Variants in FRMPD3 observed in about 807,000 individuals in gnomAD.
The protein encoded by FRMPD3 is FERM and PDZ domain-containing protein 3.
FRMPD3 carries 42 observed loss-of-function variants against 97.9 expected under a neutral mutation model. That is an observed-to-expected ratio of 0.43 (90% CI 0.34 to 0.55). The LOEUF is 0.55. FRMPD3 is among the 20% of genes least tolerant of loss of function. The pLI is 0.03. For missense variants in FRMPD3, 1,303 were observed against 1,457.7 expected (o/e 0.89, Z 1.73); for synonymous variants, 577 against 581.1 (o/e 0.99, Z 0.10).
chrX:107,588,531 G>C (rs993414776), intron 13 of FRMPD3, among the ~76,000 whole-genome samples: 1 of 112,223 alleles, frequency 8.9e-6, no homozygotes, highest in Non-Finnish European at 1.9e-5. Flanking sequence ...TGGGATTACA[G>C]GCGTGAGCCA....
At chrX:107,545,398 C>A (rs1921539965) in intron 4 of FRMPD3, 1 of 133,704 alleles carries the variant, frequency 7.5e-6, no homozygotes, top group Non-Finnish European at 1.5e-5. Flanking sequence ...TAAAAAGACA[C>A]CCTTTAGGTC....
At chrX:107,455,739 A>G (rs1176622025) in intron 1 of FRMPD3, among the ~76,000 whole-genome samples, 1 of 111,782 alleles carries the variant, frequency 8.9e-6, no homozygotes, top group Non-Finnish European at 1.9e-5. Flanking sequence ...CTCCCCCTGC[A>G]CATTAGTTCA....
intron 1 of FRMPD3, 49 bp from the exon 2 acceptor site, chrX:107,526,533 C>T (rs758750133): frequency 3.0e-5 from 34 of 1,128,231 alleles, no homozygotes; most frequent in Non-Finnish European, 3.9e-5. Context: ...GGTTCTGAGG[C>T]TTAGTTCCCT....
In FRMPD3 at chrX:107,602,875, C is replaced by G. The variant is rs752926442; in HGVS notation, c.4836C>G (p.Pro1612=). The G allele has an allele frequency of 1.7e-6, 2 of 1,210,733 alleles. No individual in the cohort carries two copies. The highest frequency in any genetic ancestry group is 1.1e-6 in the Non-Finnish European group (1 of 895,232). ...LTVLRQCVAS[P]EARAPKPYVS... is the part of the protein sequence containing the mutation. The stretch of plus-strand genomic sequence containing the variant: ...TCCTGCGGCAGTGTGTGGCCAGCCC[C>G]GAGGCCCGTGCCCCCAAGCCCTATG... Residue 1612 remains proline (P), a synonymous_variant, in exon 15 of 15, where the codon CCC becomes CCG. Transcript: ENST00000683843.
At chrX:107,458,161 C>CCTT (rs1931410255) in intron 1 of FRMPD3, among the ~76,000 whole-genome samples, 1 of 111,691 alleles carries the variant, frequency 9.0e-6, no homozygotes, top group African/African-American at 3.3e-5. Context: ...TCTCATCCTT[C>CCTT]CTTCATACTG....
At chrX:107,481,169 C>A (rs1921361205) in intron 1 of FRMPD3, among the ~76,000 whole-genome samples, 1 of 111,934 alleles carries the variant, frequency 8.9e-6, no homozygotes, top group African/African-American at 3.2e-5. Flanking sequence ...CCGGACCTCC[C>A]TGTGTGTGAT....
intron 1 of FRMPD3, among the ~76,000 whole-genome samples, chrX:107,476,392 A>C (rs1182788701): frequency 8.9e-6 from 1 of 112,484 alleles, no homozygotes; most frequent in African/African-American, 3.2e-5. Context: ...TGTTGGCTGA[A>C]GTTTTATAAT....
At position 107,560,269 on chromosome X, in the gene FRMPD3, G is replaced by T; in HGVS notation, c.775G>T (p.Val259Phe). ...CCCTCTCTCACAGAGTCGGAATGAT[G>T]TTATTCGAGAACGCTTTGGAATGGA... is the stretch of plus-strand genomic sequence containing the variant. The part of the protein sequence containing the change: ...EYLYIQSRND[V>F]IRERFGMDPK... Residue 259 changes from valine (V) to phenylalanine (F), a missense_variant, in exon 9 of 15, where the codon GTT (valine) becomes TTT (phenylalanine). By Grantham distance (50) the Val-to-Phe change is conservative. Coordinates refer to ENST00000683843, the MANE Select transcript of FRMPD3 (RefSeq NM_001388459.1). The T allele has an allele frequency of 8.3e-7, 1 of 1,208,678 alleles. No homozygotes were observed. The highest frequency in any genetic ancestry group is 1.1e-6 in the Non-Finnish European group (1 of 894,859).
intron 4 of FRMPD3, among the ~76,000 whole-genome samples, chrX:107,534,514 C>T (rs1431299744): frequency 9.0e-6 from 1 of 110,997 alleles, no homozygotes; most frequent in African/African-American, 3.3e-5. Flanking sequence ...CAAGATTTTC[C>T]ATAGAGAGAT....
chrX:107,487,742 G>C (rs934413651), intron 1 of FRMPD3, among the ~76,000 whole-genome samples: 12 of 112,021 alleles, frequency 1.1e-4, no homozygotes, highest in Non-Finnish European at 1.9e-4. Flanking sequence ...GGTTTTAAAT[G>C]CTTCCTGAGG....
rs58010206 is a variant in FRMPD3, at chrX:107,531,681, T to C, written c.251+1170T>C. On this transcript the variant is annotated intron_variant, in intron 3 of 14. Transcript: ENST00000683843. ...CTAATGACCTTTTCTTTGACTCTTC[T>C]CCAAGTTCAGTTGTCTATTGCATTT... Among the ~76,000 whole-genome samples, 570 of 111,346 alleles carry C rather than the reference T, an allele frequency of 5.1e-3. 1 individual carries two copies. Among genetic ancestry groups the C allele is most frequent in the African/African-American group, 0.018 (552 of 30,609 alleles).
At position 107,560,846 on chromosome X, in the gene FRMPD3, G is replaced by T. The variant is rs1419242289; in HGVS notation, c.1019G>T (p.Gly340Val). ...GCTCACCAAACACATCCTTCCTGCG[G>T]CACCAAGGTATCCAGAGTAGACCAC... ...LKAHQTHPSCGTKGSAIQAKL... is the reference protein window; with the variant it reads ...LKAHQTHPSCVTKGSAIQAKL... Residue 340 changes from glycine (G) to valine (V), a missense_variant, in exon 10 of 15, where the codon GGC becomes GTC. This residue lies in a region of FRMPD3 where 535 missense variants were observed against 618.6 expected (regional missense o/e 0.86). Transcript: ENST00000683843. 1 of 1,194,462 alleles carries T rather than the reference G, an allele frequency of 8.4e-7. No individual in the cohort carries two copies. Among genetic ancestry groups the T allele is most frequent in the South Asian group, 1.9e-5 (1 of 53,787 alleles).
intron 1 of FRMPD3, among the ~76,000 whole-genome samples, chrX:107,523,191 T>G (rs1386091584): frequency 1.8e-5 from 2 of 111,146 alleles, no homozygotes; most frequent in Non-Finnish European, 3.8e-5. Context: ...AAGGAACAAC[T>G]TCCATTTGAA....
At chrX:107,587,795 G>A (rs1923725965) in intron 13 of FRMPD3, among the ~76,000 whole-genome samples, 1 of 110,861 alleles carries the variant, frequency 9.0e-6, no homozygotes, top group Non-Finnish European at 1.9e-5. Flanking sequence ...TTTTTTTTTA[G>A]ACAGGGTCTC....
intron 1 of FRMPD3, among the ~76,000 whole-genome samples, chrX:107,498,636 A>G (rs35814730): frequency 0.14 from 15,426 of 110,936 alleles, 2,372 homozygotes; most frequent in African/African-American, 0.46. Context: ...GAGAGAGTAG[A>G]GCTCAAGGGA....
intron 1 of FRMPD3, among the ~76,000 whole-genome samples, chrX:107,461,285 C>T (rs1387348238): frequency 9.0e-6 from 1 of 111,540 alleles, no homozygotes; most frequent in African/African-American, 3.3e-5. Flanking sequence ...AGGATCTCCT[C>T]TCCAACCTTA....
intron 1 of FRMPD3, among the ~76,000 whole-genome samples, chrX:107,502,821 G>C (rs2057351785): frequency 8.9e-6 from 1 of 112,784 alleles, no homozygotes; most frequent in Non-Finnish European, 1.9e-5. Flanking sequence ...CACTGACGAA[G>C]CAGTGTTCTG....
chrX:107,520,037 G>A, intron 1 of FRMPD3, among the ~76,000 whole-genome samples: 1 of 111,407 alleles, frequency 9.0e-6, no homozygotes, highest in South Asian at 3.9e-4. Context: ...TGGGATAAGA[G>A]TGTAAACAGA....
chrX:107,449,930 C>G lies in FRMPD3; in HGVS notation c.-83C>G, dbSNP rs1274736401. Among the ~76,000 whole-genome samples, 1 of 109,913 alleles carries G rather than the reference C, an allele frequency of 9.1e-6. No homozygotes were observed. Among genetic ancestry groups the G allele is most frequent in the Non-Finnish European group, 1.9e-5 (1 of 52,152 alleles). On this transcript the variant is annotated 5_prime_UTR_variant, in exon 1 of 15. Transcript: ENST00000683843. Reference sequence around the variant, plus strand: ...GCCGCCGCCGCCGCCGCTGCGCCGCCGCTGCCGCGCCGCTGAGGAGGCGGA... The same window carrying G: ...GCCGCCGCCGCCGCCGCTGCGCCGCGGCTGCCGCGCCGCTGAGGAGGCGGA...
Sources: gnomAD v4.1 joint callset for allele counts (sites outside exome capture counted in the v4.1 genomes callset) on GRCh38, gnomAD v4.1.1 for gene constraint, gnomAD v4.1.1 regional missense constraint, MANE v1.5 for transcripts, NCBI Gene and HGNC (gene_info 2026-07-23, HGNC 2026-07-21) for gene names.